The following PRKCA variants were observed in gnomAD, a reference collection of about 807,000 sequenced individuals.
PRKCA encodes the protein protein kinase C alpha, also known as protein kinase C alpha type.
PRKCA carries 27 observed loss-of-function variants against 87.0 expected under a neutral mutation model. The ratio of observed to expected loss-of-function variants is 0.31; its 90% confidence interval spans 0.23 to 0.43. The LOEUF (loss-of-function observed/expected upper bound fraction) is 0.43. Among genes scored for constraint, PRKCA ranks in the 20% least tolerant of loss-of-function variants. The probability of loss-of-function intolerance (pLI) is 1.00; values close to 1 mark genes in which losing one functional copy is unlikely to be tolerated. For missense variants in PRKCA, 518 were observed against 852.3 expected, an observed-to-expected ratio of 0.61 and a Z score of 4.88; for synonymous variants, 329 against 311.1, an observed-to-expected ratio of 1.06 and a Z score of -0.61.
intron 5 of PRKCA, among the ~76,000 whole-genome samples, chr17:66,654,997 T>C (rs1372247312): frequency 6.6e-6 from 1 of 152,240 alleles, no homozygotes; most frequent in Non-Finnish European, 1.5e-5. Context: ...TGGAGACTCA[T>C]CCTGCTCTCA....
intron 5 of PRKCA, among the ~76,000 whole-genome samples, chr17:66,668,542 G>A (rs1972096894): frequency 6.6e-6 from 1 of 152,198 alleles, no homozygotes; most frequent in African/African-American, 2.4e-5. Flanking sequence ...TGAGTGCCCT[G>A]GAAGAGGGAA....
chr17:66,578,917 G>A (rs1969328793), intron 3 of PRKCA, among the ~76,000 whole-genome samples: 1 of 152,218 alleles, frequency 6.6e-6, no homozygotes, highest in African/African-American at 2.4e-5. Context: ...CAGCTCGCCA[G>A]GCAGGCCTCT....
intron 13 of PRKCA, among the ~76,000 whole-genome samples, chr17:66,744,209 G>T (rs2144242061): frequency 6.6e-6 from 1 of 152,130 alleles, no homozygotes; most frequent in South Asian, 2.1e-4. Flanking sequence ...TAACTTACTG[G>T]GATTTTCCCC....
At chr17:66,494,323 A>C (rs1395012379) in intron 2 of PRKCA, among the ~76,000 whole-genome samples, 1 of 152,134 alleles carries the variant, frequency 6.6e-6, no homozygotes, top group Non-Finnish European at 1.5e-5. Flanking sequence ...AAAGAACATA[A>C]ATTTGTTTTC....
chr17:66,604,534 T>C (rs966490939), intron 3 of PRKCA, among the ~76,000 whole-genome samples: 2 of 152,178 alleles, frequency 1.3e-5, no homozygotes, highest in South Asian at 2.1e-4. Flanking sequence ...AATAAAGACA[T>C]GGTTTGCTGA....
At chr17:66,550,310 A>G (rs763461649) in intron 3 of PRKCA, among the ~76,000 whole-genome samples, 1 of 152,172 alleles carries the variant, frequency 6.6e-6, no homozygotes, top group African/African-American at 2.4e-5. Flanking sequence ...GTTTCTGCAC[A>G]GACTGTCCCT....
At chr17:66,447,056 C>G (rs551196871) in intron 2 of PRKCA, among the ~76,000 whole-genome samples, 20 of 152,224 alleles carry the variant, frequency 1.3e-4, no homozygotes, top group Admixed American at 3.3e-4. Context: ...AGCATAGTTC[C>G]GGAAACGCTT....
At chr17:66,486,408 T>G (rs904041012) in intron 2 of PRKCA, among the ~76,000 whole-genome samples, 1 of 152,220 alleles carries the variant, frequency 6.6e-6, no homozygotes, top group Non-Finnish European at 1.5e-5. Context: ...CTTCTAAGTG[T>G]GTGGCTTCTG....
rs550315279 is a variant in PRKCA at position 66,644,588 on chromosome 17, C to G, written c.401-795C>G. ...ACATAATGTCAGCTGTAAGGAATGG[C>G]TGATCATGCTAGGCGGGTATTTGTT... On this transcript the variant is annotated intron_variant, in intron 4 of 16. Coordinates refer to ENST00000413366, the MANE Select transcript of PRKCA (RefSeq NM_002737.3). 3.9e-5 allele frequency among the ~76,000 whole-genome samples: 6 copies of G among 152,258 alleles called. No individual in the cohort carries two copies. In the South Asian group the frequency reaches 1.2e-3, roughly 32 times the overall value.
intron 2 of PRKCA, among the ~76,000 whole-genome samples, chr17:66,488,127 A>T (rs1253442667): frequency 6.6e-6 from 1 of 152,104 alleles, no homozygotes; most frequent in East Asian, 1.9e-4. Flanking sequence ...GTCCAAGTTA[A>T]TTCTTAACTT....
rs1280322852 is a variant in PRKCA, at chr17:66,482,238, TAAAC to T, written c.206-13959_206-13956del. 2.0e-5 allele frequency among the ~76,000 whole-genome samples: 3 copies of T among 152,106 alleles called. No homozygotes were observed. The East Asian group carries it at 5.8e-4, about 29-fold the overall frequency. ...GTTTGCAATCAACTGGCTTGTTTAA[TAAAC>T]AAATATGTGCTAAGGATGATGGCTC... On this transcript the variant is annotated intron_variant, in intron 2 of 16. Transcript: ENST00000413366.
intron 16 of PRKCA, among the ~76,000 whole-genome samples, chr17:66,798,486 T>C (rs1598953341): frequency 3.4e-5 from 2 of 58,534 alleles, no homozygotes; most frequent in Admixed American, 1.6e-4. Context: ...GTGGTGGTGG[T>C]GACGGTGGTG....
chr17:66,406,770 T>G (rs990514590), intron 2 of PRKCA, among the ~76,000 whole-genome samples: 1 of 151,942 alleles, frequency 6.6e-6, no homozygotes, highest in African/African-American at 2.4e-5. Flanking sequence ...GCCATCTACT[T>G]TCATTCTTTT....
chr17:66,379,028 A>G (rs939102652), intron 2 of PRKCA, among the ~76,000 whole-genome samples: 4 of 152,046 alleles, frequency 2.6e-5, no homozygotes, highest in African/African-American at 9.7e-5. Context: ...TTTATGGCTT[A>G]ATAGTAATTG....
chr17:66,727,122 G>T (rs989842989), intron 8 of PRKCA, among the ~76,000 whole-genome samples: 1 of 152,170 alleles, frequency 6.6e-6, no homozygotes, highest in African/African-American at 2.4e-5. Context: ...CCCAAACGCT[G>T]GTGGGACCTC....
chr17:66,646,301 C>A (rs1971452825), intron 5 of PRKCA, among the ~76,000 whole-genome samples: 1 of 152,174 alleles, frequency 6.6e-6, no homozygotes, highest in Non-Finnish European at 1.5e-5. Context: ...CCCACCAAAT[C>A]CACTTTCGGT....
chr17:66,787,354 G>C (rs1373906868), intron 15 of PRKCA, among the ~76,000 whole-genome samples: 1 of 152,070 alleles, frequency 6.6e-6, no homozygotes, highest in East Asian at 1.9e-4. Flanking sequence ...CGAAAGTGAA[G>C]GCCAAGAGAA....
rs12945604 is a variant in PRKCA, at chr17:66,760,875, C to T, written c.1525-13112C>T. ...CAGCCAGTATAAACAATTGCAAACACTGCTTTCATTTGATCCTCTTCTGAC... is the reference window on the plus strand; with the variant it reads ...CAGCCAGTATAAACAATTGCAAACATTGCTTTCATTTGATCCTCTTCTGAC... On this transcript the variant is annotated intron_variant, in intron 13 of 16. Transcript: ENST00000413366. Among the ~76,000 whole-genome samples the T allele has an allele frequency of 7.2e-3, 1,097 of 152,280 alleles. 6 individuals are homozygous for T. The highest frequency in any genetic ancestry group is 0.012 in the Non-Finnish European group (799 of 68,022).
At chr17:66,673,385 A>G (rs1972245129) in intron 5 of PRKCA, among the ~76,000 whole-genome samples, 1 of 152,228 alleles carries the variant, frequency 6.6e-6, no homozygotes. Context: ...GCAAAATAGA[A>G]TATTCACTAA....
Sources: gnomAD v4.1 joint callset for allele counts (sites outside exome capture counted in the v4.1 genomes callset) on GRCh38, gnomAD v4.1.1 for gene constraint, MANE v1.5 for transcripts, NCBI Gene and HGNC (gene_info 2026-07-23, HGNC 2026-07-21) for gene names.